Variants in CHODL observed in about 807,000 individuals in gnomAD.
CHODL encodes the protein transmembrane protein MT75.
CHODL carries 29 observed loss-of-function variants against 34.5 expected under a neutral mutation model. That is an observed-to-expected ratio of 0.84 (90% confidence interval 0.63 to 1.15). CHODL has a LOEUF of 1.15. Ranked by LOEUF, CHODL falls within the 50% of genes most tolerant of loss-of-function variation. The pLI is 0.00. For missense variants in CHODL, 332 were observed against 332.5 expected, an observed-to-expected ratio of 1.00 and a Z score of 0.01; for synonymous variants, 125 against 116.1, an observed-to-expected ratio of 1.08 and a Z score of -0.49.
intron 2 of CHODL, among the ~76,000 whole-genome samples, chr21:18,124,127 G>A (rs572823650): frequency 3.3e-5 from 5 of 152,292 alleles, no homozygotes; most frequent in African/African-American, 9.6e-5. Context: ...GCCCTAGGCT[G>A]TTCACTCTAT....
chr21:18,185,956 C>T (rs892862114), intron 2 of CHODL, among the ~76,000 whole-genome samples: 3 of 152,070 alleles, frequency 2.0e-5, no homozygotes, highest in African/African-American at 4.8e-5. Context: ...CTAATACCAT[C>T]GCCTTAGTGA....
At chr21:18,178,340 C>T (rs774192587) in intron 2 of CHODL, among the ~76,000 whole-genome samples, 4 of 152,034 alleles carry the variant, frequency 2.6e-5, no homozygotes, top group Non-Finnish European at 5.9e-5. Context: ...TATCTTTTTC[C>T]TTTCCATGTC....
At chr21:18,020,454 A>C (rs1030454116) in intron 1 of CHODL, among the ~76,000 whole-genome samples, 1 of 152,226 alleles carries the variant, frequency 6.6e-6, no homozygotes, top group African/African-American at 2.4e-5. Flanking sequence ...TTGAACCACT[A>C]TATTTAATTG....
chr21:17,920,982 C>T (rs1433893147), intron 1 of CHODL, among the ~76,000 whole-genome samples: 3 of 152,166 alleles, frequency 2.0e-5, no homozygotes, highest in Non-Finnish European at 2.9e-5. Context: ...CATTTCCAAG[C>T]TCCCTTGCAG....
intron 1 of CHODL, among the ~76,000 whole-genome samples, chr21:17,989,601 A>G (rs2063781138): frequency 1.3e-5 from 2 of 152,184 alleles, no homozygotes; most frequent in South Asian, 2.1e-4. Flanking sequence ...AAAATGAAGT[A>G]ACACCATGTG....
intron 1 of CHODL, among the ~76,000 whole-genome samples, chr21:18,026,544 CTAAT>C (rs1600909606): frequency 6.6e-6 from 1 of 152,090 alleles, no homozygotes; most frequent in Non-Finnish European, 1.5e-5. Flanking sequence ...TTTCATCAAA[CTAAT>C]TGATGGCATA....
intron 2 of CHODL, among the ~76,000 whole-genome samples, chr21:18,040,534 C>T (rs895149331): frequency 9.2e-5 from 14 of 151,774 alleles, no homozygotes; most frequent in African/African-American, 3.4e-4. Flanking sequence ...TGCTGTAGGC[C>T]TTAGTGTCTT....
chr21:18,086,599 T>G (rs2065010479), intron 2 of CHODL, among the ~76,000 whole-genome samples: 1 of 152,224 alleles, frequency 6.6e-6, no homozygotes, highest in Non-Finnish European at 1.5e-5. Context: ...GTATGACTAC[T>G]TTGGTTGTAC....
intron 2 of CHODL, among the ~76,000 whole-genome samples, chr21:18,073,912 T>A (rs1006813697): frequency 7.9e-5 from 12 of 152,116 alleles, no homozygotes; most frequent in Non-Finnish European, 1.8e-4. Context: ...ACTTTATTTT[T>A]AAAAAACAGT....
chr21:18,155,387 T>G (rs567282239), intron 2 of CHODL, among the ~76,000 whole-genome samples: 1 of 152,280 alleles, frequency 6.6e-6, no homozygotes, highest in Non-Finnish European at 1.5e-5. Context: ...TGTGGATTCA[T>G]TGTTTCCCTC....
chr21:18,099,561 C>T (rs2065185506), intron 2 of CHODL, among the ~76,000 whole-genome samples: 1 of 151,854 alleles, frequency 6.6e-6, no homozygotes, highest in Admixed American at 6.6e-5. Context: ...AAAAGATAGT[C>T]CTAAATCTTT....
At chr21:18,133,864 C>T (rs904286225) in intron 2 of CHODL, among the ~76,000 whole-genome samples, 3 of 152,078 alleles carry the variant, frequency 2.0e-5, no homozygotes, top group African/African-American at 7.2e-5. Context: ...ACTGGGAGTC[C>T]CATCTCTTCT....
intron 2 of CHODL, among the ~76,000 whole-genome samples, chr21:18,205,615 A>G (rs1007521608): frequency 2.0e-5 from 3 of 152,076 alleles, no homozygotes; most frequent in Non-Finnish European, 4.4e-5. Context: ...ACTTTCCTCT[A>G]AGTACTGATT....
chr21:18,029,029 C>G (rs1284329093), intron 2 of CHODL, among the ~76,000 whole-genome samples: 1 of 152,032 alleles, frequency 6.6e-6, no homozygotes, highest in Non-Finnish European at 1.5e-5. Flanking sequence ...CTCATGTTAC[C>G]CATTATGCTT....
Position 18,182,378 on chromosome 21 carries a change from TA to T in CHODL, c.-44-74126del, listed in dbSNP as rs2073392464. 1.3e-5 allele frequency among the ~76,000 whole-genome samples: 2 copies of T among 152,180 alleles called. 1 individual carries two copies. The highest frequency in any genetic ancestry group is 1.3e-4 in the Admixed American group (2 of 15,282). On this transcript the variant is annotated intron_variant, in intron 2 of 6. Coordinates refer to the CHODL transcript ENST00000400127. ...GGCCTGTGCTCTTTCTCCACTGGCATAAAAAGTCTTCAAGAAACATTAGCCG... is the reference window on the plus strand; with the variant it reads ...GGCCTGTGCTCTTTCTCCACTGGCATAAAAGTCTTCAAGAAACATTAGCCG...
At chr21:18,252,147 C>T (rs950365947) in intron 1 of CHODL, among the ~76,000 whole-genome samples, 3 of 152,012 alleles carry the variant, frequency 2.0e-5, no homozygotes, top group Non-Finnish European at 4.4e-5. Context: ...GATAAGCCCA[C>T]AGTAAAAGGA....
intron 2 of CHODL, among the ~76,000 whole-genome samples, chr21:18,045,480 A>G (rs894132322): frequency 6.6e-6 from 1 of 151,960 alleles, no homozygotes; most frequent in African/African-American, 2.4e-5. Flanking sequence ...TTCAGTTGCC[A>G]TAAGCCAAGG....
chr21:18,113,658 G>T (rs1456269299), intron 2 of CHODL, among the ~76,000 whole-genome samples: 1 of 152,028 alleles, frequency 6.6e-6, no homozygotes, highest in Non-Finnish European at 1.5e-5. Context: ...TAGCAAGGGG[G>T]GAATCCACCC....
chr21:18,238,105 G>A (rs1015159800), intron 2 of CHODL, among the ~76,000 whole-genome samples: 1 of 152,044 alleles, frequency 6.6e-6, no homozygotes, highest in Non-Finnish European at 1.5e-5. Flanking sequence ...CTTTATGATT[G>A]TCCTAAAGCT....
Sources: gnomAD v4.1 joint callset for allele counts (sites outside exome capture counted in the v4.1 genomes callset) on GRCh38, gnomAD v4.1.1 for gene constraint, MANE v1.5 for transcripts, NCBI Gene and HGNC (gene_info 2026-07-23, HGNC 2026-07-21) for gene names.